Variants in AR observed in about 807,000 individuals in gnomAD.
AR encodes androgen receptor, also known as dihydrotestosterone receptor.
AR carries 8 observed loss-of-function variants against 53.9 expected under a neutral mutation model. The observed-to-expected ratio is 0.15, with a 90% CI of 0.09 to 0.27. AR has a LOEUF of 0.27. AR is among the 10% of genes least tolerant of loss of function. AR has a pLI of 1.00. For synonymous variants in AR, 359 were observed against 316.4 expected (o/e 1.13, Z -1.43); for missense variants, 639 against 742.5 (o/e 0.86, Z 1.62).
At chrX:67,643,142 G>T in intron 1 of AR, 114 bp from the exon 2 acceptor site, 2 of 922,572 alleles carry the variant, frequency 2.2e-6, no homozygotes, top group East Asian at 3.1e-5. Context: ...ACTAACTTGA[G>T]CAATGAATAA....
chrX:67,614,725 CA>C (rs949817630), intron 1 of AR, among the ~76,000 whole-genome samples: 1 of 110,710 alleles, frequency 9.0e-6, no homozygotes, highest in Non-Finnish European at 1.9e-5. Context: ...AAAAAATCAA[CA>C]AAAAACTATC....
chrX:67,704,811 T>C (rs748337779), intron 3 of AR, among the ~76,000 whole-genome samples: 48 of 112,271 alleles, frequency 4.3e-4, no homozygotes, highest in African/African-American at 1.6e-3. Context: ...CCATCTTGAA[T>C]TAATTTTTCT....
chrX:67,551,362 A>C (rs1179805119), intron 1 of AR, among the ~76,000 whole-genome samples: 1 of 111,554 alleles, frequency 9.0e-6, no homozygotes, highest in Non-Finnish European at 1.9e-5. Flanking sequence ...TATTAAAGAA[A>C]TTATTCTATC....
intron 3 of AR, chrX:67,694,953 T>G: frequency 5.9e-6 from 6 of 1,014,101 alleles, no homozygotes; most frequent in Non-Finnish European, 7.5e-6. Context: ...GTAATAGTGG[T>G]TACCATTCAT....
chrX:67,706,131 G>T (rs1187133430), intron 3 of AR, among the ~76,000 whole-genome samples: 4 of 111,642 alleles, frequency 3.6e-5, no homozygotes, highest in Non-Finnish European at 5.6e-5. Flanking sequence ...TCTCTGCCAG[G>T]CTTTGGTATC....
At chrX:67,669,026 T>C (rs1237792752) in intron 2 of AR, among the ~76,000 whole-genome samples, 1 of 111,836 alleles carries the variant, frequency 8.9e-6, no homozygotes, top group Non-Finnish European at 1.9e-5. Context: ...TCTTTTGTAT[T>C]ATTTTTTCCT....
Position 67,546,717 on chromosome X carries a change from T to C in AR, c.1571T>C (p.Met524Thr). Residue 524 changes from methionine (M) to threonine (T), a missense_variant, in exon 1 of 8, where the codon ATG (methionine) becomes ACG (threonine). Physicochemically the swap from Met to Thr is moderately conservative, Grantham distance 81. Transcript: ENST00000374690. ...AGTCCCACTTGTGTCAAAAGCGAAA[T>C]GGGCCCCTGGATGGATAGCTACTCC... ...YPSPTCVKSE[M>T]GPWMDSYSGP... 3.1e-5 allele frequency: 38 copies of C among 1,208,355 alleles called. No homozygotes were observed. Among genetic ancestry groups the C allele is most frequent in the Non-Finnish European group, 4.0e-5 (36 of 894,032 alleles).
At chrX:67,720,130 A>G (rs1166288302) in intron 5 of AR, among the ~76,000 whole-genome samples, 2 of 111,303 alleles carry the variant, frequency 1.8e-5, no homozygotes, top group Admixed American at 1.9e-4. Flanking sequence ...TGTGTCAGGC[A>G]CTGTGCTCAG....
chrX:67,659,446 C>T (rs1307692588), intron 2 of AR, among the ~76,000 whole-genome samples: 1 of 110,666 alleles, frequency 9.0e-6, no homozygotes, highest in Non-Finnish European at 1.9e-5. Context: ...CAATTCTCAC[C>T]TGTGAGTGAG....
chrX:67,676,724 T>C (rs1244052066), intron 2 of AR, among the ~76,000 whole-genome samples: 1 of 111,978 alleles, frequency 8.9e-6, no homozygotes, highest in Non-Finnish European at 1.9e-5. Flanking sequence ...CCAAAGTTGC[T>C]GTACGCAACT....
Position 67,568,947 on chromosome X carries a change from A to G in AR, c.1616+22185A>G, listed in dbSNP as rs754074307. The G allele has an allele frequency of 1.4e-5, 17 of 1,209,813 alleles. No individual in the cohort carries two copies. In the East Asian group the frequency reaches 4.2e-4, roughly 30 times the overall value. On this transcript the variant is annotated intron_variant, in intron 1 of 7. Coordinates refer to ENST00000374690, the MANE Select transcript of AR (RefSeq NM_000044.6). ...GCTGGCTTTGTACCGGACTTTGTAC[A>G]GGGAACCAGGGAAACGAATGCAGAG...
At chrX:67,708,114 T>C (rs774704681) in intron 3 of AR, among the ~76,000 whole-genome samples, 2 of 111,664 alleles carry the variant, frequency 1.8e-5, no homozygotes, top group Admixed American at 1.9e-4. Context: ...CTGATAATTA[T>C]GTGTCTTGGA....
intron 3 of AR, chrX:67,695,583 G>A: frequency 1.3e-6 from 1 of 753,644 alleles, no homozygotes. Flanking sequence ...GGAATATCTT[G>A]TTCTCTCTCT....
At chrX:67,626,388 A>G (rs1339539404) in intron 1 of AR, among the ~76,000 whole-genome samples, 2 of 106,423 alleles carry the variant, frequency 1.9e-5, no homozygotes. Flanking sequence ...TTCACATAAC[A>G]TAACGAACTC....
chrX:67,643,173 T>C (rs761774549), intron 1 of AR, 83 bp from the exon 2 acceptor site: 2 of 1,100,900 alleles, frequency 1.8e-6, no homozygotes, highest in Non-Finnish European at 2.5e-6. Flanking sequence ...TGCCTGCAGG[T>C]TAATGCTGAA....
chrX:67,702,933 C>G (rs781186089), intron 3 of AR, among the ~76,000 whole-genome samples: 4 of 111,243 alleles, frequency 3.6e-5, no homozygotes, highest in South Asian at 7.6e-4. Context: ...AAAATGTTAA[C>G]CAGGAGTGGT....
At chrX:67,704,962 G>T (rs905453396) in intron 3 of AR, among the ~76,000 whole-genome samples, 2 of 111,648 alleles carry the variant, frequency 1.8e-5, no homozygotes, top group Non-Finnish European at 3.8e-5. Context: ...TTGTAGATAC[G>T]CAGCATTATT....
At chrX:67,547,314 G>C (rs1176208573) in intron 1 of AR, among the ~76,000 whole-genome samples, 1 of 111,864 alleles carries the variant, frequency 8.9e-6, no homozygotes, top group East Asian at 2.8e-4. Flanking sequence ...GAGGTCTGCT[G>C]TGTGAAAGGG....
At chrX:67,631,979 G>T in intron 1 of AR, among the ~76,000 whole-genome samples, 1 of 112,669 alleles carries the variant, frequency 8.9e-6, no homozygotes, top group East Asian at 2.8e-4. Context: ...ACCCACTTGA[G>T]GAGGCAGTCT....
Sources: gnomAD v4.1 joint callset for allele counts (sites outside exome capture counted in the v4.1 genomes callset) on GRCh38, gnomAD v4.1.1 for gene constraint, MANE v1.5 for transcripts, NCBI Gene and HGNC (gene_info 2026-07-23, HGNC 2026-07-21) for gene names.